The following MBP variants were observed in gnomAD, a reference collection of about 807,000 sequenced individuals.
The protein encoded by MBP is myelin basic protein.
In MBP, 16 loss-of-function variants were observed where a neutral mutation model predicts 35.8. The ratio of observed to expected loss-of-function variants is 0.45; its 90% CI spans 0.30 to 0.68. The LOEUF is 0.68. Among genes scored for constraint, MBP ranks in the 30% least tolerant of loss-of-function variants. The pLI is 0.08. For missense variants in MBP, 380 were observed against 404.7 expected, an observed-to-expected ratio of 0.94 and a Z score of 0.52; for synonymous variants, 143 against 159.6, an observed-to-expected ratio of 0.90 and a Z score of 0.78.
chr18:77,070,979 G>A (rs182954399), intron 2 of MBP, among the ~76,000 whole-genome samples: 2 of 152,270 alleles, frequency 1.3e-5, no homozygotes, highest in East Asian at 1.9e-4. Context: ...ATTCATGTAC[G>A]TGCACACATG....
At chr18:77,028,622 G>A (rs1972353592) in intron 3 of MBP, among the ~76,000 whole-genome samples, 1 of 69,346 alleles carries the variant, frequency 1.4e-5, no homozygotes, top group African/African-American at 4.2e-5. Context: ...GCGGGGGGCT[G>A]ACCCCCCCCC....
intron 1 of MBP, among the ~76,000 whole-genome samples, chr18:77,132,113 A>G (rs1460675997): frequency 6.6e-6 from 1 of 152,004 alleles, no homozygotes; most frequent in Admixed American, 6.5e-5. Context: ...ACACCCGCCC[A>G]GAGTGGCCGC....
At position 77,105,293 on chromosome 18, in the gene MBP, GAGAA is replaced by G. The variant is rs753049026; in HGVS notation, c.-25-11_-25-8del. ...TGGATTGGCTCTTCAGAGGCTAAAA[GAGAA>G]AGAGAAAGTGTCAGCCCTAAGTCTA... On this transcript the variant is annotated splice_region_variant and splice_polypyrimidine_tract_variant and intron_variant, in intron 1 of 8. Transcript: ENST00000355994. 1 of 1,571,302 alleles carries G rather than the reference GAGAA, an allele frequency of 6.4e-7. No homozygotes were observed. Among genetic ancestry groups the G allele is most frequent in the Admixed American group, 1.7e-5 (1 of 59,860 alleles).
intron 3 of MBP, among the ~76,000 whole-genome samples, chr18:77,060,506 T>G (rs1468157502): frequency 7.1e-6 from 1 of 141,638 alleles, no homozygotes; most frequent in East Asian, 2.1e-4. Flanking sequence ...CAGGCTGGAG[T>G]GCAGTGGTGT....
At chr18:77,126,820 T>C (rs1011020755) in intron 1 of MBP, among the ~76,000 whole-genome samples, 2 of 152,216 alleles carry the variant, frequency 1.3e-5, no homozygotes, top group African/African-American at 4.8e-5. Flanking sequence ...ATGTACACTG[T>C]AAAGAAATTT....
At position 77,082,987 on chromosome 18, in the gene MBP, T is replaced by A. The variant is rs973335163; in HGVS notation, c.52-16602A>T. 7.2e-5 allele frequency among the ~76,000 whole-genome samples: 11 copies of A among 152,148 alleles called. No individual in the cohort carries two copies. The East Asian group carries it at 2.1e-3, about 29-fold the overall frequency. On this transcript the variant is annotated intron_variant, in intron 2 of 8. Transcript: ENST00000355994. ...GCTTCGGGATAGAGTATTTTTTTTT[T>A]TTCTTGAGACACAGTCTTGTTCCGT... is the stretch of plus-strand genomic sequence containing the variant.
At chr18:76,980,917 CAA>C (rs2123033430) in intron 8 of MBP, 1 of 169,896 alleles carries the variant, frequency 5.9e-6, no homozygotes, top group East Asian at 1.7e-4. Flanking sequence ...CACGCGCCAG[CAA>C]AGAGCAAAGC....
rs1300571026 is a variant in MBP, at chr18:77,030,383, G to A, written c.140-13115C>T. Among the ~76,000 whole-genome samples, 3 of 152,148 alleles carry A rather than the reference G, an allele frequency of 2.0e-5. No individual in the cohort carries two copies. In the East Asian group the frequency reaches 5.8e-4, roughly 29 times the overall value. ...GCAGCCACTTCTGAGGGCTGACGAG[G>A]CCTCCACACAGGGACGGGAAGGGAC... On this transcript the variant is annotated intron_variant, in intron 3 of 8. Transcript: ENST00000355994.
rs1473267040 is a variant in MBP at position 77,131,060 on chromosome 18, A to C, written c.-26+1520T>G. ...AAAAAAACAAAACCTCAAAAAACAA[A>C]ACACACACACGCGCGCACGCACGCG... is the stretch of plus-strand genomic sequence containing the variant. On this transcript the variant is annotated intron_variant, in intron 1 of 8. Transcript: ENST00000355994. The surrounding 1 kb of genome is among the most constrained non-coding windows in gnomAD (Gnocchi z 5.5). Among the ~76,000 whole-genome samples the C allele has an allele frequency of 5.0e-5, 6 of 120,190 alleles. No homozygotes were observed. Among genetic ancestry groups the C allele is most frequent in the South Asian group, 2.8e-4 (1 of 3,538 alleles). The allele number at this position is 120,190 out of a possible 152,430, so 78.8% of individuals were successfully genotyped here.
At chr18:77,104,849 G>C (rs1976194317) in intron 2 of MBP, among the ~76,000 whole-genome samples, 1 of 152,132 alleles carries the variant, frequency 6.6e-6, no homozygotes. Flanking sequence ...CCAAGAGGAA[G>C]GGCTGCTTCG....
At position 76,980,020 on chromosome 18, in the gene MBP, T is replaced by C. The variant is rs770345084; in HGVS notation, c.*407A>G. 5.7e-6 allele frequency: 4 copies of C among 702,318 alleles called. No homozygotes were observed. The highest frequency in any genetic ancestry group is 5.2e-5 in the African/African-American group (3 of 57,198). The allele number at this position is 702,318 out of a possible 1,614,324, so 43.5% of individuals were successfully genotyped here. On this transcript the variant is annotated 3_prime_UTR_variant, in exon 9 of 9. Transcript: ENST00000355994. ...TCCTCTCTGCCGCCCACGTCCTCTCTGTCTCTGCAGCTGTGTGCCTCCATG... is the reference window on the plus strand; with the variant it reads ...TCCTCTCTGCCGCCCACGTCCTCTCCGTCTCTGCAGCTGTGTGCCTCCATG...
chr18:77,064,423 T>A (rs186429002), intron 3 of MBP, among the ~76,000 whole-genome samples: 1 of 152,172 alleles, frequency 6.6e-6, no homozygotes, highest in African/African-American at 2.4e-5. Context: ...ATAAAGAGCA[T>A]AATAAAGTAT....
chr18:77,118,272 C>A (rs1976760238), intron 1 of MBP, among the ~76,000 whole-genome samples: 1 of 151,606 alleles, frequency 6.6e-6, no homozygotes, highest in Admixed American at 6.6e-5. Context: ...CTGTGTCCCA[C>A]CCCATCTCTC....
Position 77,085,683 on chromosome 18 carries a change from G to GTTTTTT in MBP, c.52-19304_52-19299dup, listed in dbSNP as rs10645727. On this transcript the variant is annotated intron_variant, in intron 2 of 8. Coordinates refer to ENST00000355994, the MANE Select transcript of MBP (RefSeq NM_001025101.2). ...TTTAATGTGAGCATCAGTGCAATAA[G>GTTTTTT]TTTTTTTTTTTTTTTTTTTGAGACA... Among the ~76,000 whole-genome samples the GTTTTTT allele has an allele frequency of 2.3e-4, 29 of 124,236 alleles. 3 individuals carry two copies. The highest frequency in any genetic ancestry group is 3.3e-4 in the Non-Finnish European group (20 of 61,044). 81.5% of individuals were successfully genotyped at this position (124,236 alleles called of 152,430 possible).
At chr18:77,047,153 C>T (rs1033945305) in intron 3 of MBP, among the ~76,000 whole-genome samples, 8 of 152,216 alleles carry the variant, frequency 5.3e-5, no homozygotes, top group East Asian at 1.9e-4. Flanking sequence ...CCAAGAGAAC[C>T]GCAGACCTAT....
chr18:77,084,959 GGAGAGA>G (rs56132737), intron 2 of MBP, among the ~76,000 whole-genome samples: 107 of 150,948 alleles, frequency 7.1e-4, no homozygotes, highest in African/African-American at 2.3e-3. Context: ...GGGGGAGGGG[GGAGAGA>G]GAGAGAGAGA....
intron 1 of MBP, chr18:77,109,768 T>G (rs1046261025): frequency 1.3e-5 from 2 of 152,228 alleles, no homozygotes; most frequent in African/African-American, 4.8e-5. Context: ...TGGCGTGGAA[T>G]TCATCATATG....
At chr18:76,986,187 T>C (rs1969550007) in intron 7 of MBP, 1 of 985,428 alleles carries the variant, frequency 1.0e-6, no homozygotes. Flanking sequence ...CCTGAGTCTC[T>C]ACTCAATGGA....
At chr18:76,999,426 T>A (rs1038156696) in intron 4 of MBP, among the ~76,000 whole-genome samples, 5 of 151,864 alleles carry the variant, frequency 3.3e-5, no homozygotes, top group Non-Finnish European at 7.4e-5. Flanking sequence ...TTCAGCTCTC[T>A]AGGACAGAAA....
Sources: allele counts gnomAD v4.1 joint callset (sites outside exome capture counted in the v4.1 genomes callset), GRCh38; gene constraint gnomAD v4.1.1; non-coding constraint Gnocchi (gnomAD v3.1); transcripts MANE v1.5; gene names NCBI Gene and HGNC (gene_info 2026-07-23, HGNC 2026-07-21).